Variants in SBK1 observed in about 807,000 individuals in gnomAD.
SBK1 encodes the protein serine/threonine-protein kinase SBK1.
Under a neutral mutation model 24.4 loss-of-function variants are expected in SBK1, and 11 were observed. The ratio of observed to expected loss-of-function variants is 0.45; its 90% CI spans 0.28 to 0.75. The LOEUF (loss-of-function observed/expected upper bound fraction) is 0.75. Ranked by LOEUF, SBK1 falls within the 30% of genes least tolerant of loss-of-function variation. The pLI is 0.12. For synonymous variants in SBK1, 308 were observed against 284.4 expected (o/e 1.08, Z -0.83); for missense variants, 467 against 620.5 (o/e 0.75, Z 2.63).
chr16:28,274,040 G>T (rs938094870), intron 1 of SBK1, among the ~76,000 whole-genome samples: 3 of 152,220 alleles, frequency 2.0e-5, no homozygotes, highest in Non-Finnish European at 4.4e-5. Context: ...ATCAGTGGTT[G>T]CCAGGGGGCT....
chr16:28,288,218 G>A (rs1427974079), upstream of SBK1, among the ~76,000 whole-genome samples: 1 of 152,188 alleles, frequency 6.6e-6, no homozygotes, highest in East Asian at 1.9e-4. Flanking sequence ...GCCTGTTCGA[G>A]GAGTCCTGTG....
At chr16:28,312,245 G>A (rs1313967859) in intron 1 of SBK1, among the ~76,000 whole-genome samples, 3 of 152,198 alleles carry the variant, frequency 2.0e-5, no homozygotes, top group Non-Finnish European at 2.9e-5. Context: ...GCCCAAGGAC[G>A]CGCAGGCCCC....
At position 28,292,916 on chromosome 16, in the gene SBK1, C is replaced by T. The variant is rs1240512799; in HGVS notation, c.-392C>T. The stretch of plus-strand genomic sequence containing the variant: ...AAGGACTCCCCCTCCTCAGTCTGGG[C>T]CCCCGCCCCAAGACCTAGAACGCAG... On this transcript the variant is annotated 5_prime_UTR_variant, in exon 1 of 4. Coordinates refer to ENST00000341901, the MANE Select transcript of SBK1 (RefSeq NM_001024401.3). 4.2e-5 allele frequency: 41 copies of T among 971,364 alleles called. No individual in the cohort carries two copies. The highest frequency in any genetic ancestry group is 1.9e-4 in the Admixed American group (3 of 16,210). 60.2% of individuals were successfully genotyped at this position (971,364 alleles called of 1,614,324 possible). A position where few individuals can be genotyped will look rare whatever the true frequency, so the allele number is the denominator to read the frequency against.
intron 1 of SBK1, among the ~76,000 whole-genome samples, chr16:28,316,226 C>T (rs1175046494): frequency 6.6e-6 from 1 of 152,156 alleles, no homozygotes; most frequent in East Asian, 1.9e-4. Context: ...GCCAGTTTGG[C>T]CTGAGACCAC....
At position 28,269,713 on chromosome 16, in the gene SBK1, C is replaced by CAAA. The variant is rs35633204; in HGVS notation, c.257+10222_257+10224dup. On this transcript the variant is annotated intron_variant, in intron 1 of 3. Transcript: ENST00000671413. Reference sequence around the variant, plus strand: ...TAAAATCCCATCTCTACTAAAAATACAAAAAAAAAAAAATTAGCTGAGAGT... The same window carrying CAAA: ...TAAAATCCCATCTCTACTAAAAATACAAAAAAAAAAAAAAAATTAGCTGAGAGT... Among the ~76,000 whole-genome samples, 327 of 144,156 alleles carry CAAA rather than the reference C, an allele frequency of 2.3e-3. 1 individual carries two copies. Among genetic ancestry groups the CAAA allele is most frequent in the East Asian group, 2.9e-3 (14 of 4,768 alleles). 94.6% of individuals were successfully genotyped at this position (144,156 alleles called of 152,430 possible). A position where few individuals can be genotyped will look rare whatever the true frequency, so the allele number is the denominator to read the frequency against.
chr16:28,318,156 C>T (rs979698030), intron 2 of SBK1, among the ~76,000 whole-genome samples: 4 of 152,158 alleles, frequency 2.6e-5, no homozygotes, highest in Admixed American at 6.5e-5. Flanking sequence ...TGAACCAAAA[C>T]GAGACCCCAG....
chr16:28,267,441 A>G (rs150535696), intron 1 of SBK1, among the ~76,000 whole-genome samples: 5 of 152,132 alleles, frequency 3.3e-5, no homozygotes, highest in African/African-American at 9.7e-5. Context: ...ATCCAGACTG[A>G]TCTCCCCTTC....
chr16:28,304,607 TG>T (rs1196866777), intron 1 of SBK1, among the ~76,000 whole-genome samples: 4 of 152,112 alleles, frequency 2.6e-5, no homozygotes, highest in Non-Finnish European at 4.4e-5. Flanking sequence ...TTTGTTTGTT[TG>T]TTTTTTTGTT....
intron 1 of SBK1, among the ~76,000 whole-genome samples, chr16:28,280,763 C>G (rs1308735684): frequency 2.0e-5 from 3 of 152,148 alleles, no homozygotes; most frequent in Non-Finnish European, 2.9e-5. Context: ...CTCCCGGATT[C>G]AAGCGATTCT....
rs1420453989 is a variant in SBK1 at position 28,292,556 on chromosome 16, G to C, written c.-752G>C. 7.0e-5 allele frequency: 69 copies of C among 978,856 alleles called. No individual in the cohort carries two copies. Among genetic ancestry groups the C allele is most frequent in the Non-Finnish European group, 8.2e-5 (68 of 826,900 alleles). The allele number at this position is 978,856 out of a possible 1,614,324, so 60.6% of individuals were successfully genotyped here. A position where few individuals can be genotyped will look rare whatever the true frequency, so the allele number is the denominator to read the frequency against. ...GCGATGGAGCGCAGCCCGGGCGGGC[G>C]CCGGGGCCGGGGCCCGAGCGCCAGG... On this transcript the variant is annotated 5_prime_UTR_variant, in exon 1 of 4. Coordinates refer to ENST00000341901, the MANE Select transcript of SBK1 (RefSeq NM_001024401.3).
chr16:28,320,554 G>T lies in SBK1; in HGVS notation c.908G>T (p.Arg303Leu). Residue 303 changes from arginine (R) to leucine (L), a missense_variant, in exon 4 of 4, where the codon CGC (arginine) becomes CTC (leucine). By Grantham distance (102) the Arg-to-Leu change is moderately radical (BLOSUM62 -2). This residue lies in a region of SBK1 where 86 missense variants were observed against 121.7 expected (regional missense o/e 0.71). Coordinates refer to ENST00000341901, the MANE Select transcript of SBK1 (RefSeq NM_001024401.3). This position sits in a 1 kb window ranked among gnomAD's most constrained non-coding sequence, Gnocchi z 8.5. Reference protein sequence around the residue: ...QRLLALEPERRGPAKEVFRFL... With the variant: ...QRLLALEPERLGPAKEVFRFL... Reference sequence around the variant, plus strand: ...TTACTGGCCCTGGAGCCCGAGCGCCGCGGCCCAGCCAAGGAGGTGTTCCGC... The same window carrying T: ...TTACTGGCCCTGGAGCCCGAGCGCCTCGGCCCAGCCAAGGAGGTGTTCCGC... 1 of 1,552,118 alleles carries T rather than the reference G, an allele frequency of 6.4e-7. No individual in the cohort carries two copies. Among genetic ancestry groups the T allele is most frequent in the Non-Finnish European group, 8.6e-7 (1 of 1,156,150 alleles).
intron 1 of SBK1, among the ~76,000 whole-genome samples, chr16:28,283,177 C>T (rs557571053): frequency 7.3e-4 from 111 of 152,140 alleles, no homozygotes; most frequent in African/African-American, 1.9e-3. Flanking sequence ...GTGATCCACC[C>T]ACCTCGGCCT....
At chr16:28,296,408 T>C (rs2044641171) in intron 1 of SBK1, among the ~76,000 whole-genome samples, 1 of 152,078 alleles carries the variant, frequency 6.6e-6, no homozygotes. Context: ...CAACTAATTT[T>C]TGTATTTTGG....
intron 1 of SBK1, among the ~76,000 whole-genome samples, chr16:28,287,413 C>T (rs372721802): frequency 3.3e-5 from 5 of 149,450 alleles, no homozygotes; most frequent in African/African-American, 9.9e-5. Context: ...TGTGCCATTG[C>T]TCTCCAGCCT....
At chr16:28,260,153 C>T (rs1597005734) in intron 1 of SBK1, among the ~76,000 whole-genome samples, 1 of 151,406 alleles carries the variant, frequency 6.6e-6, no homozygotes, top group East Asian at 1.9e-4. Flanking sequence ...GGCTGCGTGA[C>T]TGGGTATTGG....
intron 1 of SBK1, among the ~76,000 whole-genome samples, chr16:28,309,068 C>G (rs950336371): frequency 1.3e-5 from 2 of 152,114 alleles, no homozygotes. Context: ...CCAGTGGCTC[C>G]CACAACAATG....
At chr16:28,308,360 A>G (rs1368969119) in intron 1 of SBK1, among the ~76,000 whole-genome samples, 2 of 148,250 alleles carry the variant, frequency 1.3e-5, no homozygotes, top group Admixed American at 6.8e-5. Flanking sequence ...CATGTTGTCC[A>G]GGCTGGTCTC....
chr16:28,319,087 A>G lies in SBK1; in HGVS notation c.319A>G (p.Ser107Gly). 1 of 1,614,126 alleles carries G rather than the reference A, an allele frequency of 6.2e-7. No individual in the cohort carries two copies. The highest frequency in any genetic ancestry group is 8.5e-7 in the Non-Finnish European group (1 of 1,179,978). Residue 107 changes from serine (S) to glycine (G), a missense_variant, in exon 3 of 4, where the codon AGC becomes GGC. Physicochemically the swap from Ser to Gly is moderately conservative, Grantham distance 56. Coordinates refer to ENST00000341901, the MANE Select transcript of SBK1 (RefSeq NM_001024401.3). This position sits in a 1 kb window ranked among gnomAD's most constrained non-coding sequence, Gnocchi z 4.0. ...EVSITNSLSS[S>G]PFIIKVFDVV... The stretch of plus-strand genomic sequence containing the variant: ...GAGCATCACCAACAGCCTCTCCTCC[A>G]GCCCCTTCATCATCAAGGTCTTTGA...
At chr16:28,318,569 T>TGGGCACAGATGCTTGCCC (rs1183151991) in intron 2 of SBK1, among the ~76,000 whole-genome samples, 5 of 152,368 alleles carry the variant, frequency 3.3e-5, no homozygotes, top group African/African-American at 1.2e-4. Context: ...ATGTACCAGA[T>TGGGCACAGATGCTTGCCC]GGGCACAGAT....
Sources: gnomAD v4.1 joint callset for allele counts (sites outside exome capture counted in the v4.1 genomes callset) on GRCh38, gnomAD v4.1.1 for gene constraint, gnomAD v4.1.1 regional missense constraint, Gnocchi (gnomAD v3.1) non-coding constraint, MANE v1.5 for transcripts, NCBI Gene and HGNC (gene_info 2026-07-23, HGNC 2026-07-21) for gene names.